The following WDFY4 variants were observed in gnomAD, a reference collection of about 807,000 sequenced individuals.
WDFY4 encodes the protein WD repeat- and FYVE domain-containing protein 4.
Under a neutral mutation model 351.9 loss-of-function variants are expected in WDFY4, and 169 were observed. The ratio of observed to expected loss-of-function variants is 0.48; its 90% CI spans 0.42 to 0.55. The LOEUF (loss-of-function observed/expected upper bound fraction) is 0.55. WDFY4 is among the 20% of genes least tolerant of loss of function. The pLI, the probability that WDFY4 is intolerant of heterozygous loss-of-function variation, is 0.00. For missense variants in WDFY4, 3,803 were observed against 3,935.6 expected (o/e 0.97, Z 0.90); for synonymous variants, 1,622 against 1,574.6 (o/e 1.03, Z -0.71).
intron 47 of WDFY4, among the ~76,000 whole-genome samples, chr10:48,907,843 C>A (rs773024679): frequency 1.1e-4 from 17 of 152,244 alleles, no homozygotes; most frequent in Admixed American, 2.0e-4. Flanking sequence ...GTACTGAAGC[C>A]CTGGGAGCAC....
chr10:48,903,108 TA>T (rs968807211), intron 47 of WDFY4, among the ~76,000 whole-genome samples: 8 of 150,576 alleles, frequency 5.3e-5, no homozygotes, highest in African/African-American at 1.5e-4. Context: ...AGACTCTGTC[TA>T]AAAAAAAAGG....
At chr10:48,804,679 T>C in intron 25 of WDFY4, 12 of 979,462 alleles carry the variant, frequency 1.2e-5, no homozygotes, top group Non-Finnish European at 1.5e-5. Flanking sequence ...CCTGTACCTG[T>C]ACCAGTTGTT....
At chr10:48,835,942 C>T (rs192705190) in intron 39 of WDFY4, among the ~76,000 whole-genome samples, 19 of 152,328 alleles carry the variant, frequency 1.2e-4, no homozygotes, top group African/African-American at 2.4e-4. Flanking sequence ...GCCTGCTACA[C>T]GGTAGGCCCT....
chr10:48,763,208 C>T (rs893442333), intron 13 of WDFY4, among the ~76,000 whole-genome samples: 7 of 152,202 alleles, frequency 4.6e-5, no homozygotes, highest in African/African-American at 1.7e-4. Flanking sequence ...CTTTTGAAGT[C>T]CATGAGATGC....
chr10:48,746,113 G>A (rs1012491349), intron 12 of WDFY4: 1 of 154,664 alleles, frequency 6.5e-6, no homozygotes, highest in African/African-American at 2.4e-5. Flanking sequence ...TCCAGCACTG[G>A]GACCTGCCCC....
intron 51 of WDFY4, among the ~76,000 whole-genome samples, chr10:48,951,274 G>A (rs1466244525): frequency 6.6e-6 from 1 of 152,154 alleles, no homozygotes; most frequent in Non-Finnish European, 1.5e-5. Context: ...ATCTGAGCAG[G>A]TGGCACATGC....
At chr10:48,698,952 A>T (rs1056951900) in intron 1 of WDFY4, among the ~76,000 whole-genome samples, 1 of 152,212 alleles carries the variant, frequency 6.6e-6, no homozygotes, top group Non-Finnish European at 1.5e-5. Flanking sequence ...GTCCGAAATC[A>T]GTCCGCTGGC....
chr10:48,941,677 TG>T, intron 47 of WDFY4, 128 bp from the exon 48 acceptor site: 1 of 896,086 alleles, frequency 1.1e-6, no homozygotes, highest in Non-Finnish European at 1.8e-6. Context: ...AGAGTTGCTC[TG>T]GGATTTGGGA....
intron 24 of WDFY4, among the ~76,000 whole-genome samples, chr10:48,801,015 G>A (rs180960991): frequency 4.1e-4 from 62 of 152,264 alleles, no homozygotes; most frequent in Middle Eastern, 3.4e-3. Context: ...TTATAGGCAT[G>A]AGCCACCATA....
chr10:48,729,731 G>A, intron 8 of WDFY4, 142 bp downstream of exon 8: 2 of 1,117,900 alleles, frequency 1.8e-6, no homozygotes, highest in Non-Finnish European at 2.5e-6. Flanking sequence ...GGGAGGTTAT[G>A]AATATCTCCC....
intron 53 of WDFY4, among the ~76,000 whole-genome samples, chr10:48,960,021 C>T (rs1365285224): frequency 6.6e-6 from 1 of 152,218 alleles, no homozygotes; most frequent in Non-Finnish European, 1.5e-5. Flanking sequence ...GTAGACCCTG[C>T]CTGGGTGCCA....
chr10:48,764,293 A>G (rs915373524), intron 13 of WDFY4, among the ~76,000 whole-genome samples: 3 of 152,138 alleles, frequency 2.0e-5, no homozygotes, highest in Admixed American at 2.0e-4. Flanking sequence ...CCAAAATGCT[A>G]GCTCTACGAG....
At chr10:48,907,795 C>T (rs767363730) in intron 47 of WDFY4, among the ~76,000 whole-genome samples, 1 of 152,206 alleles carries the variant, frequency 6.6e-6, no homozygotes, top group Non-Finnish European at 1.5e-5. Context: ...GCTGGCTCCA[C>T]CACTGAGTAG....
At chr10:48,815,627 T>G (rs1274188879) in intron 31 of WDFY4, among the ~76,000 whole-genome samples, 1 of 152,116 alleles carries the variant, frequency 6.6e-6, no homozygotes, top group Non-Finnish European at 1.5e-5. Flanking sequence ...GCCCAGCTAA[T>G]TTTTGTATTT....
chr10:48,966,324 G>A (rs1353880169), intron 54 of WDFY4, among the ~76,000 whole-genome samples: 1 of 152,138 alleles, frequency 6.6e-6, no homozygotes, highest in Non-Finnish European at 1.5e-5. Flanking sequence ...CCTTGAAAAA[G>A]TAGCTGTCCC....
chr10:48,869,298 C>A (rs754854802), intron 40 of WDFY4, among the ~76,000 whole-genome samples: 2 of 152,108 alleles, frequency 1.3e-5, no homozygotes, highest in Non-Finnish European at 2.9e-5. Context: ...CCCAGGTGCA[C>A]CAAATGAGGC....
intron 47 of WDFY4, among the ~76,000 whole-genome samples, chr10:48,927,497 C>G (rs1283237901): frequency 1.3e-5 from 2 of 152,178 alleles, no homozygotes; most frequent in Non-Finnish European, 2.9e-5. Flanking sequence ...TGTAAAGTAG[C>G]AAATGGAGTG....
Position 48,774,449 on chromosome 10 carries a change from C to A in WDFY4, c.2554-9C>A. 6.4e-7 allele frequency: 1 copy of A among 1,551,644 alleles called. No homozygotes were observed. The highest frequency in any genetic ancestry group is 1.2e-5 in the South Asian group (1 of 84,028). ...TGGAGGGCTCACAGCTTGCTTTGGT[C>A]ACTCTTAGCTTTCCGAGGAGATCCA... On this transcript the variant is annotated splice_polypyrimidine_tract_variant and intron_variant, in intron 13 of 61. Transcript: ENST00000325239.
intron 23 of WDFY4, among the ~76,000 whole-genome samples, chr10:48,792,352 C>T (rs905934951): frequency 2.6e-5 from 4 of 152,194 alleles, no homozygotes; most frequent in Admixed American, 6.5e-5. Flanking sequence ...CGCACCCACA[C>T]TGGAATGCTC....
Sources: allele counts gnomAD v4.1 joint callset (sites outside exome capture counted in the v4.1 genomes callset), GRCh38; gene constraint gnomAD v4.1.1; transcripts MANE v1.5; gene names NCBI Gene and HGNC (gene_info 2026-07-23, HGNC 2026-07-21).